The following NR3C2 variants were observed in gnomAD, a reference collection of about 807,000 sequenced individuals.
NR3C2 encodes the protein mineralocorticoid receptor.
In NR3C2, 15 loss-of-function variants were observed where a neutral mutation model predicts 86.4. The ratio of observed to expected loss-of-function variants is 0.17; its 90% confidence interval spans 0.12 to 0.27. NR3C2 has a LOEUF of 0.27. Among genes scored for constraint, NR3C2 ranks in the 10% least tolerant of loss-of-function variants. The pLI is 1.00. For synonymous variants in NR3C2, 458 were observed against 450.5 expected, an observed-to-expected ratio of 1.02 and a Z score of -0.21; for missense variants, 960 against 1,195.6, an observed-to-expected ratio of 0.80 and a Z score of 2.91.
intron 2 of NR3C2, among the ~76,000 whole-genome samples, chr4:148,391,693 CCTCT>C (rs1747577232): frequency 6.6e-6 from 1 of 151,796 alleles, no homozygotes; most frequent in South Asian, 2.1e-4. Flanking sequence ...ATGGTGAAAC[CCTCT>C]CTCTACTAAA....
chr4:148,222,322 T>C (rs1737902057), intron 3 of NR3C2, among the ~76,000 whole-genome samples: 1 of 152,208 alleles, frequency 6.6e-6, no homozygotes, highest in Non-Finnish European at 1.5e-5. Context: ...AACAGACTTC[T>C]TACTTAGGAG....
chr4:148,379,527 G>C (rs1376234976), intron 2 of NR3C2, among the ~76,000 whole-genome samples: 2 of 152,164 alleles, frequency 1.3e-5, no homozygotes, highest in African/African-American at 2.4e-5. Flanking sequence ...CATGGAACCA[G>C]GAGATTTCCT....
chr4:148,165,735 AAAT>A (rs1364969681), intron 4 of NR3C2, among the ~76,000 whole-genome samples: 1 of 152,188 alleles, frequency 6.6e-6, no homozygotes, highest in Non-Finnish European at 1.5e-5. Flanking sequence ...TAACCAAACA[AAAT>A]AATAATCCTG....
chr4:148,100,514 T>G (rs1036050621), intron 8 of NR3C2, among the ~76,000 whole-genome samples: 1 of 152,158 alleles, frequency 6.6e-6, no homozygotes, highest in Non-Finnish European at 1.5e-5. Flanking sequence ...AAAACTACAA[T>G]GAGTTACCAC....
intron 2 of NR3C2, among the ~76,000 whole-genome samples, chr4:148,345,069 C>CAACAA (rs1744925362): frequency 6.6e-6 from 1 of 152,098 alleles, no homozygotes. Context: ...AACAAAATCT[C>CAACAA]AATTTGCTTT....
chr4:148,436,896 C>T, intron 1 of NR3C2, 34 bp from the exon 2 acceptor site: 1 of 1,499,728 alleles, frequency 6.7e-7, no homozygotes, highest in South Asian at 1.2e-5. Flanking sequence ...AAATTAGAGT[C>T]AGTTATAGCA....
chr4:148,120,146 G>A lies in NR3C2; in HGVS notation c.2641+12C>T, dbSNP rs1025751307. Reference sequence around the variant, plus strand: ...TAATATAGAAACAGTGCCAGAATGGGCATCAATTTACTTGTGCTTAGTAGC... The same window carrying A: ...TAATATAGAAACAGTGCCAGAATGGACATCAATTTACTTGTGCTTAGTAGC... On this transcript the variant is annotated intron_variant, in intron 7 of 8. Transcript: ENST00000358102. The A allele has an allele frequency of 6.2e-7, 1 of 1,613,880 alleles. No homozygotes were observed. Among genetic ancestry groups the A allele is most frequent in the Non-Finnish European group, 8.5e-7 (1 of 1,179,836 alleles).
chr4:148,253,898 T>G (rs954069376), intron 3 of NR3C2, among the ~76,000 whole-genome samples: 5 of 152,176 alleles, frequency 3.3e-5, no homozygotes, highest in Non-Finnish European at 7.4e-5. Context: ...TTAGTAGGTA[T>G]TGAGTAAATG....
At chr4:148,400,840 TTTGC>T (rs1488590436) in intron 2 of NR3C2, among the ~76,000 whole-genome samples, 10 of 150,120 alleles carry the variant, frequency 6.7e-5, no homozygotes, top group Middle Eastern at 3.5e-3. Flanking sequence ...ACAAGATAAA[TTTGC>T]TTTAGCAATT....
chr4:148,404,086 G>C (rs1228733260), intron 2 of NR3C2, among the ~76,000 whole-genome samples: 1 of 152,042 alleles, frequency 6.6e-6, no homozygotes, highest in Non-Finnish European at 1.5e-5. Context: ...AGATGTATCT[G>C]AGTTTAAAAG....
At chr4:148,408,189 T>C (rs997870587) in intron 2 of NR3C2, among the ~76,000 whole-genome samples, 1 of 152,166 alleles carries the variant, frequency 6.6e-6, no homozygotes, top group Admixed American at 6.5e-5. Flanking sequence ...TCTAAGTGAA[T>C]GTGTTTCAAG....
intron 2 of NR3C2, among the ~76,000 whole-genome samples, chr4:148,335,620 T>C (rs1235545593): frequency 6.6e-6 from 1 of 152,220 alleles, no homozygotes; most frequent in Non-Finnish European, 1.5e-5. Context: ...TGCTTGAATA[T>C]TCATTATTTT....
intron 2 of NR3C2, among the ~76,000 whole-genome samples, chr4:148,262,482 T>C (rs1264716107): frequency 6.6e-6 from 1 of 152,172 alleles, no homozygotes; most frequent in African/African-American, 2.4e-5. Flanking sequence ...AACCTCAACA[T>C]GGGCAAAATT....
chr4:148,252,183 GT>G (rs1426184504), intron 3 of NR3C2, among the ~76,000 whole-genome samples: 1 of 152,130 alleles, frequency 6.6e-6, no homozygotes, highest in Non-Finnish European at 1.5e-5. Context: ...AGACAATCAA[GT>G]TCCTAGCGTA....
intron 2 of NR3C2, among the ~76,000 whole-genome samples, chr4:148,353,717 C>T (rs989987176): frequency 1.3e-5 from 2 of 151,980 alleles, no homozygotes; most frequent in African/African-American, 4.8e-5. Context: ...ATGAAAAGAC[C>T]ATCACTGCTG....
chr4:148,157,054 G>A (rs1734426725), intron 4 of NR3C2, among the ~76,000 whole-genome samples: 1 of 148,802 alleles, frequency 6.7e-6, no homozygotes. Flanking sequence ...CTATCACAAG[G>A]ACAAAAAACC....
rs140634604 is a variant in NR3C2, at chr4:148,122,973, G to A, written c.2511-2685C>T. Reference sequence around the variant, plus strand: ...AAAAGGTCTGACTGCCTGCGGCGTCGGGCAAAAAAAGCCATATTTTTCTTC... The same window carrying A: ...AAAAGGTCTGACTGCCTGCGGCGTCAGGCAAAAAAAGCCATATTTTTCTTC... On this transcript the variant is annotated intron_variant, in intron 6 of 8. Transcript: ENST00000358102. 4.2e-3 allele frequency among the ~76,000 whole-genome samples: 640 copies of A among 152,060 alleles called. 5 individuals carry two copies. The highest frequency in any genetic ancestry group is 0.015 in the African/African-American group (605 of 41,484).
chr4:148,305,628 G>A (rs946049394), intron 2 of NR3C2, among the ~76,000 whole-genome samples: 3 of 151,840 alleles, frequency 2.0e-5, no homozygotes, highest in African/African-American at 7.3e-5. Context: ...AGAACTTCAG[G>A]ATAAATTTCT....
intron 5 of NR3C2, among the ~76,000 whole-genome samples, chr4:148,153,389 G>A (rs553720008): frequency 6.6e-6 from 1 of 152,246 alleles, no homozygotes; most frequent in South Asian, 2.1e-4. Flanking sequence ...TGGTGGCAAG[G>A]CTGGTCTCAA....
Sources: gnomAD v4.1 joint callset for allele counts (sites outside exome capture counted in the v4.1 genomes callset) on GRCh38, gnomAD v4.1.1 for gene constraint, MANE v1.5 for transcripts, NCBI Gene and HGNC (gene_info 2026-07-23, HGNC 2026-07-21) for gene names.